Variants in PCDHGB4 observed in about 807,000 individuals in gnomAD.
The protein encoded by PCDHGB4 is protocadherin gamma-B4.
A neutral mutation model predicts 60.5 loss-of-function variants in PCDHGB4; 38 were observed. That is an observed-to-expected ratio of 0.63 (90% CI 0.48 to 0.82). The LOEUF (loss-of-function observed/expected upper bound fraction) is 0.82, where lower values mean the gene tolerates loss of function less well. PCDHGB4 is among the 40% of genes least tolerant of loss of function. PCDHGB4 has a pLI of 0.00. For synonymous variants in PCDHGB4, 456 were observed against 509.7 expected (o/e 0.89, Z 1.42); for missense variants, 1,109 against 1,209.6 (o/e 0.92, Z 1.23).
Position 141,491,965 on chromosome 5 carries a change from G to A in PCDHGB4, c.2398-2842G>A. 1 of 946,810 alleles carries A rather than the reference G, an allele frequency of 1.1e-6. No individual in the cohort carries two copies. Among genetic ancestry groups the A allele is most frequent in the Non-Finnish European group, 1.5e-6 (1 of 672,398 alleles). 58.7% of individuals were successfully genotyped at this position (946,810 alleles called of 1,614,324 possible). On this transcript the variant is annotated intron_variant, in intron 1 of 3. Coordinates refer to ENST00000519479, the MANE Select transcript of PCDHGB4 (RefSeq NM_003736.4). The surrounding 1 kb of genome is among the most constrained non-coding windows in gnomAD (Gnocchi z 6.9). ...CCCACCCCTACACTCAAAAAAGGCC[G>A]GGGCCTCCTTCGAGCTTCCGGTGAA...
chr5:141,476,843 G>A lies in PCDHGB4; in HGVS notation c.2398-17964G>A, dbSNP rs2099399765. On this transcript the variant is annotated intron_variant, in intron 1 of 3. Transcript: ENST00000519479. The surrounding 1 kb of genome is among the most constrained non-coding windows in gnomAD (Gnocchi z 7.6). ...GCTGGACGCGAATGACAATGCGCCT[G>A]TCTTCAACCAGTCCTTGTACCGGGC... 1 of 1,613,706 alleles carries A rather than the reference G, an allele frequency of 6.2e-7. No individual in the cohort carries two copies. Among genetic ancestry groups the A allele is most frequent in the Non-Finnish European group, 8.5e-7 (1 of 1,180,046 alleles).
chr5:141,403,661 G>C (rs2094439419), intron 1 of PCDHGB4: 1 of 1,613,904 alleles, frequency 6.2e-7, no homozygotes, highest in Non-Finnish European at 8.5e-7. Context: ...GGATACAAAT[G>C]ATAATGCCCC....
chr5:141,415,584 T>C lies in PCDHGB4; in HGVS notation c.2397+25303T>C, dbSNP rs763238799. 7.4e-6 allele frequency: 12 copies of C among 1,614,012 alleles called. No individual in the cohort carries two copies. In the South Asian group the frequency reaches 1.3e-4, roughly 18 times the overall value. ...TGTCTTTGTTAGATGATTCGAAGTT[T>C]CCTATAGAGGATACCCCATTGGTTC... On this transcript the variant is annotated intron_variant, in intron 1 of 3. Coordinates refer to ENST00000519479, the MANE Select transcript of PCDHGB4 (RefSeq NM_003736.4).
Position 141,486,690 on chromosome 5 carries a change from C to G in PCDHGB4, c.2398-8117C>G. ...AGGAATCGAGATGTATCAGCTTCCTCTTTCATCTCTCTGAACCCCCAGACA... is the reference window on the plus strand; with the variant it reads ...AGGAATCGAGATGTATCAGCTTCCTGTTTCATCTCTCTGAACCCCCAGACA... On this transcript the variant is annotated intron_variant, in intron 1 of 3. Coordinates refer to ENST00000519479, the MANE Select transcript of PCDHGB4 (RefSeq NM_003736.4). The surrounding 1 kb of genome is among the most constrained non-coding windows in gnomAD (Gnocchi z 5.0). 3 of 1,614,144 alleles carry G rather than the reference C, an allele frequency of 1.9e-6. No individual in the cohort carries two copies. The highest frequency in any genetic ancestry group is 2.5e-6 in the Non-Finnish European group (3 of 1,180,036).
Position 141,429,441 on chromosome 5 carries a change from T to C in PCDHGB4, c.2397+39160T>C, listed in dbSNP as rs541676798. On this transcript the variant is annotated intron_variant, in intron 1 of 3. Transcript: ENST00000519479. ...TGTTGCCCAGGCTGGACTCAAACTCTTGGGCTACAGTAATCCTCCCACCTC... is the reference window on the plus strand; with the variant it reads ...TGTTGCCCAGGCTGGACTCAAACTCCTGGGCTACAGTAATCCTCCCACCTC... 1.5e-4 allele frequency among the ~76,000 whole-genome samples: 23 copies of C among 152,170 alleles called. No individual in the cohort carries two copies. The South Asian group carries it at 4.6e-3, about 30-fold the overall frequency.
intron 3 of PCDHGB4, among the ~76,000 whole-genome samples, chr5:141,509,211 C>T (rs962706371): frequency 2.0e-5 from 3 of 152,180 alleles, no homozygotes; most frequent in African/African-American, 4.8e-5. Context: ...CTCTCTATTT[C>T]TCAATCCCTG....
chr5:141,482,645 G>A (rs1267966412), intron 1 of PCDHGB4, among the ~76,000 whole-genome samples: 1 of 152,120 alleles, frequency 6.6e-6, no homozygotes, highest in Admixed American at 6.5e-5. Context: ...TAGAGGTGGT[G>A]ATGCTTGAGC....
intron 1 of PCDHGB4, chr5:141,424,133 T>C: frequency 2.2e-6 from 1 of 450,350 alleles, no homozygotes; most frequent in South Asian, 9.6e-5. Flanking sequence ...GTTGATTTAA[T>C]AGCATGCTCC....
chr5:141,477,898 AG>A lies in PCDHGB4; in HGVS notation c.2398-16907del. The stretch of plus-strand genomic sequence containing the variant: ...CTGGCCACCTAGTGTCACGGGTGGT[AG>A]GCTGGGACGCGGATGCAGGGCACAA... On this transcript the variant is annotated intron_variant, in intron 1 of 3. Coordinates refer to ENST00000519479, the MANE Select transcript of PCDHGB4 (RefSeq NM_003736.4). The surrounding 1 kb of genome is among the most constrained non-coding windows in gnomAD (Gnocchi z 4.9). The A allele has an allele frequency of 6.2e-7, 1 of 1,614,158 alleles. No individual in the cohort carries two copies. Among genetic ancestry groups the A allele is most frequent in the Non-Finnish European group, 8.5e-7 (1 of 1,180,036 alleles).
intron 1 of PCDHGB4, chr5:141,400,146 C>A (rs1444566578): frequency 6.2e-7 from 1 of 1,614,080 alleles, no homozygotes; most frequent in South Asian, 1.1e-5. Flanking sequence ...ATATCACTGA[C>A]CGCCCTGTAC....
At position 141,410,013 on chromosome 5, in the gene PCDHGB4, T is replaced by A. The variant is rs770463619; in HGVS notation, c.2397+19732T>A. On this transcript the variant is annotated intron_variant, in intron 1 of 3. Coordinates refer to ENST00000519479, the MANE Select transcript of PCDHGB4 (RefSeq NM_003736.4). ...GCCGACTCGGGACACAACGCCTGGC[T>A]GTCCTACCACGTGCTGCAGGCCAGT... 1 of 1,613,296 alleles carries A rather than the reference T, an allele frequency of 6.2e-7. No individual in the cohort carries two copies. Among genetic ancestry groups the A allele is most frequent in the East Asian group, 2.2e-5 (1 of 44,870 alleles).
In PCDHGB4 at chr5:141,432,847, G is replaced by C. The variant is rs768265171; in HGVS notation, c.2397+42566G>C. ...ACCTCACTCTGTACCTGGTGGTAGC[G>C]GTGGCCGCGGTCTCCTGCGTCTTCC... On this transcript the variant is annotated intron_variant, in intron 1 of 3. Transcript: ENST00000519479. The surrounding 1 kb of genome is among the most constrained non-coding windows in gnomAD (Gnocchi z 6.0). The C allele has an allele frequency of 1.2e-6, 2 of 1,614,180 alleles. No homozygotes were observed. Among genetic ancestry groups the C allele is most frequent in the Admixed American group, 1.7e-5 (1 of 60,032 alleles).
At position 141,432,032 on chromosome 5, in the gene PCDHGB4, A is replaced by G; in HGVS notation, c.2397+41751A>G. On this transcript the variant is annotated intron_variant, in intron 1 of 3. Coordinates refer to ENST00000519479, the MANE Select transcript of PCDHGB4 (RefSeq NM_003736.4). The surrounding 1 kb of genome is among the most constrained non-coding windows in gnomAD (Gnocchi z 6.0). ...TAGCTACAACATCACAGTGACCGCC[A>G]CTGACCGGGGAACCCCGCCCCTATC... 2 of 1,614,242 alleles carry G rather than the reference A, an allele frequency of 1.2e-6. No homozygotes were observed. Among genetic ancestry groups the G allele is most frequent in the South Asian group, 1.1e-5 (1 of 91,086 alleles).
chr5:141,441,762 C>T (rs3805697), intron 1 of PCDHGB4: 63,073 of 367,490 alleles, frequency 0.17, 6,544 homozygotes, highest in Admixed American at 0.27. Context: ...CGTGAGCCTG[C>T]GCGTGTTGGT....
intron 2 of PCDHGB4, among the ~76,000 whole-genome samples, chr5:141,500,138 ACTTTT>A: frequency 6.6e-6 from 1 of 150,560 alleles, no homozygotes; most frequent in Middle Eastern, 3.2e-3. Flanking sequence ...ATCTTTCTAA[ACTTTT>A]CTTTGTGTAA....
At chr5:141,427,570 C>G (rs1487817661) in intron 1 of PCDHGB4, 8 of 662,270 alleles carry the variant, frequency 1.2e-5, no homozygotes, top group Non-Finnish European at 2.2e-5. Flanking sequence ...GGCAAGCCTC[C>G]GCTCTCATCC....
chr5:141,467,715 G>C (rs904101145), intron 1 of PCDHGB4, among the ~76,000 whole-genome samples: 1 of 152,022 alleles, frequency 6.6e-6, no homozygotes, highest in Non-Finnish European at 1.5e-5. Flanking sequence ...AGGCTGGAGT[G>C]TAGTGGCACA....
chr5:141,460,950 T>C (rs1458616371), intron 1 of PCDHGB4, among the ~76,000 whole-genome samples: 1 of 135,948 alleles, frequency 7.4e-6, no homozygotes, highest in East Asian at 2.0e-4. Flanking sequence ...ATATGTATTA[T>C]GTATATATAT....
At position 141,486,169 on chromosome 5, in the gene PCDHGB4, A is replaced by G. The variant is rs2099625537; in HGVS notation, c.2398-8638A>G. The G allele has an allele frequency of 1.2e-6, 2 of 1,614,088 alleles. No individual in the cohort carries two copies. Among genetic ancestry groups the G allele is most frequent in the East Asian group, 2.2e-5 (1 of 44,890 alleles). On this transcript the variant is annotated intron_variant, in intron 1 of 3. Transcript: ENST00000519479. The surrounding 1 kb of genome is among the most constrained non-coding windows in gnomAD (Gnocchi z 5.0). ...ATGGGGGTTCTCCAGCCATGGAGCA[A>G]CATTGCAGCCTTCGAGTGGATCTGC...
Sources: allele counts gnomAD v4.1 joint callset (sites outside exome capture counted in the v4.1 genomes callset), GRCh38; gene constraint gnomAD v4.1.1; non-coding constraint Gnocchi (gnomAD v3.1); transcripts MANE v1.5; gene names NCBI Gene and HGNC (gene_info 2026-07-23, HGNC 2026-07-21).